The following DCAF1 variants were observed in gnomAD, a reference collection of about 807,000 sequenced individuals.
The protein encoded by DCAF1 is DDB1- and CUL4-associated factor 1.
Under a neutral mutation model 128.0 loss-of-function variants are expected in DCAF1, and 15 were observed. The ratio of observed to expected loss-of-function variants is 0.12; its 90% CI spans 0.08 to 0.18. DCAF1 has a LOEUF of 0.18. DCAF1 is among the 10% of genes least tolerant of loss of function. The pLI, the probability that DCAF1 is intolerant of heterozygous loss-of-function variation, is 1.00. For missense variants in DCAF1, 988 were observed against 1,649.5 expected, an observed-to-expected ratio of 0.60 and a Z score of 6.95; for synonymous variants, 610 against 603.0, an observed-to-expected ratio of 1.01 and a Z score of -0.17.
Position 51,403,144 on chromosome 3 carries a change from G to GT in DCAF1, c.4463dup (p.Asp1488GlufsTer3). The GT allele has an allele frequency of 6.2e-7, 1 of 1,609,734 alleles. No individual in the cohort carries two copies. The highest frequency in any genetic ancestry group is 8.5e-7 in the Non-Finnish European group (1 of 1,177,376). On this transcript the variant is annotated frameshift_variant and splice_region_variant, in exon 24 of 25. Coordinates refer to ENST00000684031, the MANE Select transcript of DCAF1 (RefSeq NM_001387579.1). LOFTEE classifies it high-confidence loss of function. ...GCCTGAACTCTGCCCTATACTTACT[G>GT]TCCCCCAGGATCAGTTCCACCTCCT...
At chr3:51,483,508 TAAATC>T (rs1172515832) in intron 3 of DCAF1, among the ~76,000 whole-genome samples, 1 of 151,728 alleles carries the variant, frequency 6.6e-6, no homozygotes, top group East Asian at 1.9e-4. Context: ...AGATAAAGAC[TAAATC>T]TGAGGAAAGA....
chr3:51,500,094 A>G (rs1188624070), upstream of DCAF1: 2 of 124,240 alleles, frequency 1.6e-5, no homozygotes, highest in Non-Finnish European at 3.2e-5. Context: ...AGGGGCGGGA[A>G]GAGAACGCCT....
intron 9 of DCAF1, chr3:51,436,546 C>A: frequency 2.5e-6 from 1 of 394,834 alleles, no homozygotes; most frequent in South Asian, 1.8e-5. Context: ...AGACTGTATA[C>A]CAATAATTTT....
chr3:51,494,391 G>C (rs1367442290), intron 2 of DCAF1, among the ~76,000 whole-genome samples: 1 of 152,044 alleles, frequency 6.6e-6, no homozygotes, highest in Non-Finnish European at 1.5e-5. Context: ...TGGGATTACA[G>C]GTGTGAGCCA....
At chr3:51,433,451 T>C (rs976172471) in intron 9 of DCAF1, among the ~76,000 whole-genome samples, 187 bp from the exon 10 acceptor site, 48 of 152,042 alleles carry the variant, frequency 3.2e-4, no homozygotes, top group African/African-American at 1.1e-3. Flanking sequence ...TCCTCTTTTC[T>C]TTCCTAACAC....
chr3:51,490,987 T>C (rs1363246624), intron 2 of DCAF1, among the ~76,000 whole-genome samples: 3 of 149,856 alleles, frequency 2.0e-5, no homozygotes, highest in Non-Finnish European at 4.4e-5. Flanking sequence ...GACATGCTGA[T>C]TCTAAAATTC....
intron 15 of DCAF1, 126 bp from the exon 16 acceptor site, chr3:51,419,002 G>C: frequency 2.9e-6 from 4 of 1,363,206 alleles, no homozygotes; most frequent in Non-Finnish European, 3.8e-6. Flanking sequence ...AAATCACAGT[G>C]ACCTTCAGTG....
chr3:51,449,937 G>A (rs1311414150), intron 6 of DCAF1, among the ~76,000 whole-genome samples: 1 of 152,090 alleles, frequency 6.6e-6, no homozygotes, highest in Non-Finnish European at 1.5e-5. Flanking sequence ...TAAAGAAACA[G>A]AAAAACTAAA....
intron 6 of DCAF1, among the ~76,000 whole-genome samples, chr3:51,456,461 G>C (rs1702920796): frequency 6.6e-6 from 1 of 152,244 alleles, no homozygotes; most frequent in Admixed American, 6.5e-5. Context: ...AGGCCTGCCT[G>C]CCTCTGTAGG....
intron 23 of DCAF1, 51 bp from the exon 24 acceptor site, chr3:51,403,446 T>C: frequency 6.5e-7 from 1 of 1,541,544 alleles, no homozygotes; most frequent in Non-Finnish European, 8.8e-7. Flanking sequence ...GCCTGACCCA[T>C]GGGGGCCACA....
intron 23 of DCAF1, among the ~76,000 whole-genome samples, chr3:51,407,717 G>A (rs1250810807): frequency 3.9e-5 from 6 of 152,146 alleles, no homozygotes; most frequent in African/African-American, 1.2e-4. Context: ...GTTGGGCGCG[G>A]TGGCTCATGC....
rs1559542488 is a variant in DCAF1 at position 51,462,645 on chromosome 3, C to T, written c.375+469G>A. On this transcript the variant is annotated intron_variant, in intron 6 of 24. Coordinates refer to ENST00000684031, the MANE Select transcript of DCAF1 (RefSeq NM_001387579.1). Reference sequence around the variant, plus strand: ...CCTGTAATCCCAGCTACTTGGGAGGCTGAGGCAGGAGAATCACTTAAGCCC... The same window carrying T: ...CCTGTAATCCCAGCTACTTGGGAGGTTGAGGCAGGAGAATCACTTAAGCCC... Among the ~76,000 whole-genome samples the T allele has an allele frequency of 2.7e-5, 4 of 148,790 alleles. No individual in the cohort carries two copies. The South Asian group carries it at 8.7e-4, about 32-fold the overall frequency.
chr3:51,416,654 A>G lies in DCAF1; in HGVS notation c.3603+133T>C, dbSNP rs181317185. The stretch of plus-strand genomic sequence containing the variant: ...CTCAGAACTATATTATCATACTTTT[A>G]GATTCTAACTAGAAGGAATATCACT... On this transcript the variant is annotated intron_variant, in intron 18 of 24. Coordinates refer to ENST00000684031, the MANE Select transcript of DCAF1 (RefSeq NM_001387579.1). The G allele has an allele frequency of 7.8e-6, 10 of 1,287,230 alleles. No homozygotes were observed. The East Asian group carries it at 2.2e-4, about 28-fold the overall frequency. 79.7% of individuals were successfully genotyped at this position (1,287,230 alleles called of 1,614,324 possible).
chr3:51,472,123 C>T lies in DCAF1; in HGVS notation c.111-1118G>A, dbSNP rs2108230658. Among the ~76,000 whole-genome samples the T allele has an allele frequency of 2.6e-5, 4 of 152,286 alleles. 1 individual carries two copies. The South Asian group carries it at 8.3e-4, about 32-fold the overall frequency. ...CTTACCACAATACCCTGAATTAAAT[C>T]CAAGTACTACTATGGCCTGCAATTA... is the stretch of plus-strand genomic sequence containing the variant. On this transcript the variant is annotated intron_variant, in intron 3 of 24. Coordinates refer to ENST00000684031, the MANE Select transcript of DCAF1 (RefSeq NM_001387579.1).
chr3:51,484,609 A>G (rs1553654412), intron 2 of DCAF1, among the ~76,000 whole-genome samples: 1 of 151,182 alleles, frequency 6.6e-6, no homozygotes, highest in East Asian at 1.9e-4. Context: ...CTCCCAAAAT[A>G]TTTTGCTCGT....
chr3:51,405,479 G>A (rs556401210), intron 23 of DCAF1, among the ~76,000 whole-genome samples: 1 of 152,228 alleles, frequency 6.6e-6, no homozygotes, highest in East Asian at 1.9e-4. Flanking sequence ...ATCCCAGAAG[G>A]CCACAAACAC....
intron 23 of DCAF1, among the ~76,000 whole-genome samples, chr3:51,412,085 G>A (rs1484107209): frequency 5.7e-5 from 8 of 140,120 alleles, no homozygotes; most frequent in East Asian, 2.0e-4. Context: ...TTCCAGCCTC[G>A]GCGACAAGAG....
chr3:51,413,516 C>G, intron 20 of DCAF1, 130 bp from the exon 21 acceptor site: 7 of 1,395,046 alleles, frequency 5.0e-6, no homozygotes, highest in Non-Finnish European at 6.7e-6. Flanking sequence ...TTCCCTTGTA[C>G]AGAAATCTAC....
chr3:51,481,950 C>G (rs1330298360), intron 3 of DCAF1, among the ~76,000 whole-genome samples: 3 of 152,134 alleles, frequency 2.0e-5, no homozygotes, highest in African/African-American at 7.2e-5. Context: ...AAGATCATGC[C>G]AATGCACTCC....
Sources: allele counts gnomAD v4.1 joint callset (sites outside exome capture counted in the v4.1 genomes callset), GRCh38; gene constraint gnomAD v4.1.1; transcripts MANE v1.5; gene names NCBI Gene and HGNC (gene_info 2026-07-23, HGNC 2026-07-21).